MCM6: variants seen among roughly 807,000 people sequenced by gnomAD.
MCM6 encodes DNA replication licensing factor MCM6.
A neutral mutation model predicts 94.3 loss-of-function variants in MCM6; 46 were observed. The ratio of observed to expected loss-of-function variants is 0.49; its 90% CI spans 0.39 to 0.62. MCM6 has a LOEUF of 0.62. Among genes scored for constraint, MCM6 ranks in the 20% least tolerant of loss-of-function variants. The probability of loss-of-function intolerance (pLI) is 0.00; values close to 1 mark genes in which losing one functional copy is unlikely to be tolerated. For synonymous variants in MCM6, 335 were observed against 351.9 expected (o/e 0.95, Z 0.54); for missense variants, 865 against 1,017.9 (o/e 0.85, Z 2.04).
rs182222696 is a variant in MCM6 at position 135,840,142 on chromosome 2, G to T, written c.*693C>A. The T allele has an allele frequency of 1.1e-4, 16 of 150,558 alleles. No individual in the cohort carries two copies. The highest frequency in any genetic ancestry group is 9.9e-4 in the Admixed American group (15 of 15,096). 9.3% of individuals were successfully genotyped at this position (150,558 alleles called of 1,614,324 possible). A position where few individuals can be genotyped will look rare whatever the true frequency, so the allele number is the denominator to read the frequency against. On this transcript the variant is annotated 3_prime_UTR_variant, in exon 17 of 17. Coordinates refer to ENST00000264156, the MANE Select transcript of MCM6 (RefSeq NM_005915.6). ...AAAAAAGCAATTTGAAAACAATCCT[G>T]AGAAATTACCCTTAGGACACAGAAG... is the stretch of plus-strand genomic sequence containing the variant.
rs138102338 is a variant in MCM6 at position 135,873,873 on chromosome 2, G to A, written c.108-1030C>T. Reference sequence around the variant, plus strand: ...ACAAGTTATACATATAAAAGGTGGCGTTGGAATTCAGCTTCTGAAAGAGTT... The same window carrying A: ...ACAAGTTATACATATAAAAGGTGGCATTGGAATTCAGCTTCTGAAAGAGTT... On this transcript the variant is annotated intron_variant, in intron 1 of 16. Coordinates refer to ENST00000264156, the MANE Select transcript of MCM6 (RefSeq NM_005915.6). Among the ~76,000 whole-genome samples, 781 of 152,312 alleles carry A rather than the reference G, an allele frequency of 5.1e-3. 2 individuals carry two copies. The highest frequency in any genetic ancestry group is 7.2e-3 in the Non-Finnish European group (490 of 68,032).
rs2105574597 is a variant in MCM6 at position 135,848,199 on chromosome 2, A to G, written c.1918-11T>C. 6.3e-7 allele frequency: 1 copy of G among 1,590,524 alleles called. No individual in the cohort carries two copies. The highest frequency in any genetic ancestry group is 8.6e-7 in the Non-Finnish European group (1 of 1,161,200). On this transcript the variant is annotated splice_polypyrimidine_tract_variant and intron_variant, in intron 13 of 16. Transcript: ENST00000264156. ...ATGTTTAGGTTGGACCTAAACCAAT[A>G]ATGATGAAGTAATTAAGCTACTTTT...
intron 3 of MCM6, 56 bp downstream of exon 3, chr2:135,870,195 A>G: frequency 7.8e-7 from 1 of 1,283,196 alleles, no homozygotes; most frequent in Non-Finnish European, 1.1e-6. Context: ...ACTGTCAGCT[A>G]AGTGGTACTT....
At chr2:135,847,633 A>C (rs1471642389) in intron 14 of MCM6, among the ~76,000 whole-genome samples, 1 of 152,120 alleles carries the variant, frequency 6.6e-6, no homozygotes, top group East Asian at 1.9e-4. Flanking sequence ...GCACAATCTC[A>C]GCTCACTGCA....
chr2:135,840,236 A>AAC lies in MCM6; in HGVS notation c.*598_*599insGT, dbSNP rs1420290282. ...CTTTTATAAACTTAAAAAAAAAAAAAAACAACTGGAATTAACCTTGGAAAG... is the reference window on the plus strand; with the variant it reads ...CTTTTATAAACTTAAAAAAAAAAAAAACAACAACTGGAATTAACCTTGGAAAG... On this transcript the variant is annotated 3_prime_UTR_variant, in exon 17 of 17. Coordinates refer to ENST00000264156, the MANE Select transcript of MCM6 (RefSeq NM_005915.6). 3 of 145,618 alleles carry AAC rather than the reference A, an allele frequency of 2.1e-5. No homozygotes were observed. The highest frequency in any genetic ancestry group is 7.5e-5 in the African/African-American group (3 of 40,260). 9.0% of individuals were successfully genotyped at this position (145,618 alleles called of 1,614,324 possible).
Position 135,866,743 on chromosome 2 carries a change from A to G in MCM6, c.616-15T>C, listed in dbSNP as rs755930510. 1 of 1,579,200 alleles carries G rather than the reference A, an allele frequency of 6.3e-7. No homozygotes were observed. On this transcript the variant is annotated splice_polypyrimidine_tract_variant and intron_variant, in intron 4 of 16. Coordinates refer to ENST00000264156, the MANE Select transcript of MCM6 (RefSeq NM_005915.6). The stretch of plus-strand genomic sequence containing the variant: ...TGAATACGAACCTGTAATACAGACA[A>G]ACAACCAACCAAGAATGAGAAGCAA...
Position 135,846,266 on chromosome 2 carries a change from A to G in MCM6, c.2180T>C (p.Ile727Thr). 2 of 1,614,126 alleles carry G rather than the reference A, an allele frequency of 1.2e-6. No individual in the cohort carries two copies. Among genetic ancestry groups the G allele is most frequent in the African/African-American group, 1.3e-5 (1 of 75,040 alleles). Residue 727 changes from isoleucine to threonine, a missense_variant, in exon 15 of 17, where the codon ATT becomes ACT. By Grantham distance (89) the Ile-to-Thr change is moderately conservative. Around this residue, in one of 3 missense-constraint regions of MCM6, gnomAD observed 308 missense variants for 324.5 expected, o/e 0.95. Coordinates refer to ENST00000264156, the MANE Select transcript of MCM6 (RefSeq NM_005915.6). ...FSEYCRISNLIVLHLRKVEEE... is the reference protein window; with the variant it reads ...FSEYCRISNLTVLHLRKVEEE... ...TTCCACCTTTCTGAGGTGAAGCACAATAAGGTTAGAGATTCGGCAGTACTC... is the reference window on the plus strand; with the variant it reads ...TTCCACCTTTCTGAGGTGAAGCACAGTAAGGTTAGAGATTCGGCAGTACTC...
At position 135,872,738 on chromosome 2, in the gene MCM6, A is replaced by G; in HGVS notation, c.213T>C (p.Phe71=). 6.2e-7 allele frequency: 1 copy of G among 1,614,198 alleles called. No individual in the cohort carries two copies. Among genetic ancestry groups the G allele is most frequent in the Non-Finnish European group, 8.5e-7 (1 of 1,180,034 alleles). ...LVVSFVDLEQ[F]NQQLSTTIQE... ...GAATGGTGGTGGAAAGTTGCTGGTT[A>G]AATTGTTCCAGGTCCACAAAACTCA... is the stretch of plus-strand genomic sequence containing the variant. Residue 71 remains phenylalanine (F), a synonymous_variant, in exon 2 of 17, where the codon TTT becomes TTC. Coordinates refer to ENST00000264156, the MANE Select transcript of MCM6 (RefSeq NM_005915.6).
At chr2:135,850,844 C>T (rs968363163) in intron 13 of MCM6, among the ~76,000 whole-genome samples, 1 of 152,110 alleles carries the variant, frequency 6.6e-6, no homozygotes, top group African/African-American at 2.4e-5. Flanking sequence ...AAAAGCCAAA[C>T]CCCCTTTTCA....
At position 135,872,833 on chromosome 2, in the gene MCM6, T is replaced by C; in HGVS notation, c.118A>G (p.Ser40Gly). ...TGCAAGTATTTAATTTCTCCATCGC[T>C]GCTCTGAAACCTGCAGGTACATTCG... ...FLDFLEEFQS[S>G]DGEIKYLQLA... Residue 40 changes from serine to glycine, a missense_variant, in exon 2 of 17, where the codon AGC becomes GGC. By Grantham distance (56) the Ser-to-Gly change is moderately conservative. Coordinates refer to ENST00000264156, the MANE Select transcript of MCM6 (RefSeq NM_005915.6). The C allele has an allele frequency of 1.2e-6, 2 of 1,614,094 alleles. No individual in the cohort carries two copies. The highest frequency in any genetic ancestry group is 1.7e-6 in the Non-Finnish European group (2 of 1,180,002).
chr2:135,841,648 A>T (rs1344283952), intron 16 of MCM6, among the ~76,000 whole-genome samples: 2 of 152,184 alleles, frequency 1.3e-5, no homozygotes, highest in Non-Finnish European at 1.5e-5. Flanking sequence ...ACACTTTTTA[A>T]AAAATTGCCC....
At chr2:135,868,496 T>A in intron 4 of MCM6, 115 bp downstream of exon 4, 1 of 1,035,430 alleles carries the variant, frequency 9.7e-7, no homozygotes, top group Non-Finnish European at 1.4e-6. Flanking sequence ...ATTTTGATGA[T>A]GCTTAACTTA....
At chr2:135,854,314 G>C (rs1437230031) in intron 11 of MCM6, among the ~76,000 whole-genome samples, 2 of 152,034 alleles carry the variant, frequency 1.3e-5, no homozygotes, top group Non-Finnish European at 2.9e-5. Flanking sequence ...GGGATCACCT[G>C]AGGTCAGGAG....
chr2:135,858,606 C>T (rs1382063420), intron 9 of MCM6, among the ~76,000 whole-genome samples: 1 of 151,910 alleles, frequency 6.6e-6, no homozygotes, highest in Admixed American at 6.5e-5. Context: ...TTCTTAACTC[C>T]CTTTTCTAAG....
At chr2:135,860,835 G>C (rs1023793935) in intron 8 of MCM6, among the ~76,000 whole-genome samples, 2 of 152,156 alleles carry the variant, frequency 1.3e-5, no homozygotes, top group Non-Finnish European at 2.9e-5. Context: ...ATGGATGTCT[G>C]CTCTTGCCAC....
In MCM6 at chr2:135,840,843, C is replaced by G. The variant is rs200231978; in HGVS notation, c.2458G>C (p.Glu820Gln). 2 of 1,609,788 alleles carry G rather than the reference C, an allele frequency of 1.2e-6. No homozygotes were observed. The highest frequency in any genetic ancestry group is 2.7e-5 in the African/African-American group (2 of 74,984). Reference sequence around the variant, plus strand: ...CAGTTACTTTCACTATCTCAATCTTCGAGCAAGTAGTTAGGGTTAACTACC... The same window carrying G: ...CAGTTACTTTCACTATCTCAATCTTGGAGCAAGTAGTTAGGGTTAACTACC... ...YLVVNPNYLL[E>Q]D Residue 820 changes from glutamate (E) to glutamine (Q), a missense_variant, in exon 17 of 17, where the codon GAA (glutamate) becomes CAA (glutamine). Physicochemically the swap from Glu to Gln is conservative, Grantham distance 29. Coordinates refer to ENST00000264156, the MANE Select transcript of MCM6 (RefSeq NM_005915.6).
In MCM6 at chr2:135,872,600, A is replaced by C. The variant is rs3739019; in HGVS notation, c.254+97T>G. 24,122 of 1,271,368 alleles carry C rather than the reference A, an allele frequency of 0.019. 1,971 individuals carry two copies. The African/African-American group carries it at 0.2, about 10-fold the overall frequency. The allele number at this position is 1,271,368 out of a possible 1,614,324, so 78.8% of individuals were successfully genotyped here. ...CAGTGGGAAATAACTGTGAAAGCTGACCTTCTGCTACACAAGTGAACACTT... is the reference window on the plus strand; with the variant it reads ...CAGTGGGAAATAACTGTGAAAGCTGCCCTTCTGCTACACAAGTGAACACTT... On this transcript the variant is annotated intron_variant, in intron 2 of 16. Transcript: ENST00000264156.
chr2:135,870,588 A>G (rs2105592101), intron 2 of MCM6, among the ~76,000 whole-genome samples: 1 of 152,324 alleles, frequency 6.6e-6, no homozygotes, highest in South Asian at 2.1e-4. Context: ...ATACCTGATT[A>G]TCATATAGCA....
intron 8 of MCM6, among the ~76,000 whole-genome samples, chr2:135,860,752 T>C (rs560061691): frequency 1.6e-4 from 24 of 152,328 alleles, no homozygotes; most frequent in African/African-American, 4.6e-4. Flanking sequence ...AGGGCATCTA[T>C]GAAAACCCAC....
Sources: allele counts gnomAD v4.1 joint callset (sites outside exome capture counted in the v4.1 genomes callset), GRCh38; gene constraint gnomAD v4.1.1; regional missense constraint gnomAD v4.1.1; transcripts MANE v1.5; gene names NCBI Gene and HGNC (gene_info 2026-07-23, HGNC 2026-07-21).